ADAMTS17: variants seen among roughly 807,000 people sequenced by gnomAD.
ADAMTS17 encodes the protein ADAM metallopeptidase with thrombospondin type 1 motif 17.
Under a neutral mutation model 141.5 loss-of-function variants are expected in ADAMTS17, and 113 were observed. The observed-to-expected ratio is 0.80, with a 90% CI of 0.69 to 0.93. The LOEUF is 0.93. Ranked by LOEUF, ADAMTS17 falls within the 40% of genes least tolerant of loss-of-function variation. ADAMTS17 has a pLI of 0.00. For synonymous variants in ADAMTS17, 768 were observed against 630.6 expected (o/e 1.22, Z -3.27); for missense variants, 1,659 against 1,517.9 (o/e 1.09, Z -1.54).
At chr15:100,121,600 C>T (rs1178997484) in intron 12 of ADAMTS17, among the ~76,000 whole-genome samples, 1 of 152,034 alleles carries the variant, frequency 6.6e-6, no homozygotes, top group South Asian at 2.1e-4. Context: ...ATGTAACTGT[C>T]CCTCAAAAAT....
At chr15:100,171,445 A>AG (rs963717067) in intron 8 of ADAMTS17, among the ~76,000 whole-genome samples, 3 of 152,126 alleles carry the variant, frequency 2.0e-5, no homozygotes, top group African/African-American at 4.8e-5. Context: ...GTCACAGGTT[A>AG]GGGGGGCCTG....
intron 20 of ADAMTS17, among the ~76,000 whole-genome samples, chr15:99,981,718 A>G (rs1429686753): frequency 6.6e-6 from 1 of 152,226 alleles, no homozygotes; most frequent in Admixed American, 6.5e-5. Flanking sequence ...AAAATTTACC[A>G]TGTCATCATA....
At chr15:100,140,488 C>CATACATAT (rs1386955753) in intron 10 of ADAMTS17, among the ~76,000 whole-genome samples, 1 of 124,934 alleles carries the variant, frequency 8.0e-6, no homozygotes, top group Non-Finnish European at 1.8e-5. Context: ...CACATACATA[C>CATACATAT]ATATATATAT....
intron 8 of ADAMTS17, among the ~76,000 whole-genome samples, chr15:100,170,834 T>C (rs1413766558): frequency 2.6e-5 from 4 of 152,214 alleles, no homozygotes; most frequent in African/African-American, 9.6e-5. Flanking sequence ...CTGACAATTT[T>C]GACTGGCAGA....
At chr15:100,290,322 T>C (rs2044587604) in intron 3 of ADAMTS17, among the ~76,000 whole-genome samples, 1 of 152,076 alleles carries the variant, frequency 6.6e-6, no homozygotes. Flanking sequence ...ATCTCTACAG[T>C]GAGAACTACA....
At chr15:99,983,839 C>G (rs928996466) in intron 20 of ADAMTS17, among the ~76,000 whole-genome samples, 4 of 152,188 alleles carry the variant, frequency 2.6e-5, no homozygotes, top group Admixed American at 1.3e-4. Context: ...AAGAGACTGA[C>G]GGAATCCTGA....
intron 7 of ADAMTS17, among the ~76,000 whole-genome samples, chr15:100,204,918 T>G (rs2041474205): frequency 6.6e-6 from 1 of 152,184 alleles, no homozygotes; most frequent in Non-Finnish European, 1.5e-5. Flanking sequence ...CCCTTGGCAA[T>G]TATGGTTTTC....
At position 99,994,296 on chromosome 15, in the gene ADAMTS17, C is replaced by G. The variant is rs542682107; in HGVS notation, c.2797-1096G>C. On this transcript the variant is annotated intron_variant, in intron 19 of 21. Transcript: ENST00000268070. ...CAAATATGGCAGGCGACAGCACTGACTTTCTTGAGTTATAACAAACTCAAC... is the reference window on the plus strand; with the variant it reads ...CAAATATGGCAGGCGACAGCACTGAGTTTCTTGAGTTATAACAAACTCAAC... 2.6e-5 allele frequency among the ~76,000 whole-genome samples: 4 copies of G among 152,282 alleles called. No homozygotes were observed. In the East Asian group the frequency reaches 7.7e-4, roughly 29 times the overall value.
At chr15:100,195,073 T>A (rs2041059850) in intron 8 of ADAMTS17, among the ~76,000 whole-genome samples, 1 of 152,250 alleles carries the variant, frequency 6.6e-6, no homozygotes, top group Non-Finnish European at 1.5e-5. Flanking sequence ...AACCCAAAGG[T>A]AGCACATGGC....
chr15:100,047,328 A>G (rs1321207047), intron 18 of ADAMTS17, among the ~76,000 whole-genome samples: 1 of 133,192 alleles, frequency 7.5e-6, no homozygotes, highest in East Asian at 2.5e-4. Context: ...TTGCCTTGTG[A>G]TATCTTATTA....
chr15:100,131,927 G>A (rs1228415352), intron 12 of ADAMTS17, 80 bp downstream of exon 12: 2 of 1,603,386 alleles, frequency 1.2e-6, no homozygotes, highest in Non-Finnish European at 1.7e-6. Flanking sequence ...GACAGACCCT[G>A]CTTTGTGTGA....
intron 18 of ADAMTS17, among the ~76,000 whole-genome samples, chr15:99,999,896 C>T (rs2060885382): frequency 6.6e-6 from 1 of 152,198 alleles, no homozygotes; most frequent in Non-Finnish European, 1.5e-5. Flanking sequence ...CAGAGCACCT[C>T]CTCTGGAGCT....
At chr15:100,087,670 A>G (rs2035196488) in intron 15 of ADAMTS17, among the ~76,000 whole-genome samples, 1 of 152,220 alleles carries the variant, frequency 6.6e-6, no homozygotes. Context: ...CCTGGGATGC[A>G]AGGCTGGTTC....
intron 3 of ADAMTS17, among the ~76,000 whole-genome samples, chr15:100,314,470 T>C (rs995940548): frequency 1.3e-5 from 2 of 151,770 alleles, no homozygotes; most frequent in African/African-American, 2.4e-5. Flanking sequence ...GGAGAAAGGG[T>C]TGGAATACGA....
intron 3 of ADAMTS17, among the ~76,000 whole-genome samples, chr15:100,302,528 G>A (rs944899056): frequency 3.9e-5 from 6 of 152,146 alleles, no homozygotes; most frequent in African/African-American, 1.4e-4. Flanking sequence ...CTCAACAGCA[G>A]TCTATGAGAA....
At chr15:100,237,650 G>A (rs145415840) in intron 7 of ADAMTS17, among the ~76,000 whole-genome samples, 2,972 of 152,276 alleles carry the variant, frequency 0.02, 57 homozygotes, top group South Asian at 0.055. Flanking sequence ...TTGAGACAGA[G>A]TCTCGCTCTG....
At chr15:100,029,641 C>G (rs1226719303) in intron 18 of ADAMTS17, among the ~76,000 whole-genome samples, 1 of 152,152 alleles carries the variant, frequency 6.6e-6, no homozygotes, top group Non-Finnish European at 1.5e-5. Context: ...GGCCTGGGCT[C>G]TGGGCCCTGA....
chr15:100,330,941 G>A lies in ADAMTS17; in HGVS notation c.564C>T (p.Pro188=). The change falls in exon 3 of 22, where the codon CCC becomes CCT. Residue 188 remains proline, a synonymous_variant. Coordinates refer to ENST00000268070, the MANE Select transcript of ADAMTS17 (RefSeq NM_139057.4). ...GTCTCTGGGCCTCAGCAGAAGGGCT[G>A]GGGGTCAAGGACCATTTGCGCCTGA... The part of the protein sequence containing the change: ...HLIRRKWSLT[P]SPSAEAQRPE... 6.2e-7 allele frequency: 1 copy of A among 1,614,126 alleles called. No individual in the cohort carries two copies. The highest frequency in any genetic ancestry group is 1.1e-5 in the South Asian group (1 of 91,078).
chr15:100,100,631 C>T (rs553002030), intron 14 of ADAMTS17, among the ~76,000 whole-genome samples: 1 of 151,986 alleles, frequency 6.6e-6, no homozygotes, highest in Non-Finnish European at 1.5e-5. Flanking sequence ...GTTTTTTGTG[C>T]CCTGAAAACC....
Sources: allele counts gnomAD v4.1 joint callset (sites outside exome capture counted in the v4.1 genomes callset), GRCh38; gene constraint gnomAD v4.1.1; transcripts MANE v1.5; gene names NCBI Gene and HGNC (gene_info 2026-07-23, HGNC 2026-07-21).